Variants in WWOX observed in about 807,000 individuals in gnomAD.
The protein encoded by WWOX is WW domain-containing oxidoreductase.
A neutral mutation model predicts 46.2 loss-of-function variants in WWOX; 69 were observed. The observed-to-expected ratio is 1.49, with a 90% CI of 1.23 to 1.82. The LOEUF (loss-of-function observed/expected upper bound fraction) is 1.82, where lower values mean the gene tolerates loss of function less well. Ranked by LOEUF, WWOX falls within the 40% of genes most tolerant of loss-of-function variation. The pLI is 0.00. For missense variants in WWOX, 919 were observed against 542.6 expected (o/e 1.69, Z -6.89); for synonymous variants, 359 against 202.6 (o/e 1.77, Z -6.56).
At chr16:79,134,475 G>A (rs1249347015) in intron 8 of WWOX, among the ~76,000 whole-genome samples, 1 of 152,318 alleles carries the variant, frequency 6.6e-6, no homozygotes, top group South Asian at 2.1e-4. Context: ...GCAGAATGAG[G>A]TCGAGGTCAT....
intron 4 of WWOX, among the ~76,000 whole-genome samples, chr16:78,155,006 C>G (rs999014018): frequency 6.6e-6 from 1 of 152,174 alleles, no homozygotes; most frequent in African/African-American, 2.4e-5. Context: ...AGCCCAAACC[C>G]CACCTCTAGC....
At chr16:78,808,466 A>G (rs769406236) in intron 8 of WWOX, among the ~76,000 whole-genome samples, 1 of 152,224 alleles carries the variant, frequency 6.6e-6, no homozygotes, top group Non-Finnish European at 1.5e-5. Context: ...TTGAATCCAT[A>G]CTAACCTGAT....
chr16:78,919,677 C>A (rs1402323081), intron 8 of WWOX, among the ~76,000 whole-genome samples: 2 of 152,184 alleles, frequency 1.3e-5, no homozygotes, highest in Non-Finnish European at 2.9e-5. Flanking sequence ...ACCACCACAC[C>A]TGGCTAATTT....
chr16:78,725,148 T>A (rs766429430), intron 8 of WWOX, among the ~76,000 whole-genome samples: 19 of 152,044 alleles, frequency 1.2e-4, no homozygotes, highest in Non-Finnish European at 2.1e-4. Flanking sequence ...GATGGTTTTA[T>A]AAGGGGGAAA....
At chr16:78,713,319 A>G (rs916107028) in intron 8 of WWOX, among the ~76,000 whole-genome samples, 6 of 150,750 alleles carry the variant, frequency 4.0e-5, no homozygotes, top group Admixed American at 1.3e-4. Context: ...GCACACCCCA[A>G]AACTTCTAGA....
intron 8 of WWOX, among the ~76,000 whole-genome samples, chr16:78,989,821 C>CGT (rs71384389): frequency 0.17 from 23,548 of 135,952 alleles, 2,015 homozygotes; most frequent in East Asian, 0.37. Flanking sequence ...GGTGTGTGAG[C>CGT]GTGTGTGTGT....
intron 8 of WWOX, among the ~76,000 whole-genome samples, chr16:78,818,395 C>G (rs892613260): frequency 1.3e-5 from 2 of 152,222 alleles, no homozygotes; most frequent in Non-Finnish European, 2.9e-5. Context: ...CCTTCATTGA[C>G]TCAGGCCTTG....
chr16:78,293,987 A>AC (rs1567482417), intron 5 of WWOX, among the ~76,000 whole-genome samples: 8 of 148,314 alleles, frequency 5.4e-5, no homozygotes, highest in Non-Finnish European at 7.5e-5. Flanking sequence ...AGAAAAAAAA[A>AC]AAAAAAAAAA....
chr16:79,094,879 G>T (rs900729417), intron 8 of WWOX, among the ~76,000 whole-genome samples: 1 of 152,124 alleles, frequency 6.6e-6, no homozygotes. Flanking sequence ...ACCCCAGAGT[G>T]TCATCAGCCC....
intron 4 of WWOX, among the ~76,000 whole-genome samples, chr16:78,139,741 C>T (rs564131279): frequency 1.3e-5 from 2 of 152,060 alleles, no homozygotes; most frequent in East Asian, 1.9e-4. Flanking sequence ...AAAAACAGAA[C>T]CAGAGAAAAA....
chr16:78,921,327 A>G (rs1429364215), intron 8 of WWOX, among the ~76,000 whole-genome samples: 1 of 152,204 alleles, frequency 6.6e-6, no homozygotes, highest in Non-Finnish European at 1.5e-5. Flanking sequence ...CCATTTGCTA[A>G]TGAAAGTTCT....
At position 78,517,647 on chromosome 16, in the gene WWOX, C is replaced by A. The variant is rs567903957; in HGVS notation, c.1056+84895C>A. Among the ~76,000 whole-genome samples, 14 of 152,100 alleles carry A rather than the reference C, an allele frequency of 9.2e-5. No individual in the cohort carries two copies. In the South Asian group the frequency reaches 2.9e-3, roughly 32 times the overall value. ...CATCTGTCAAAAGTCCTCAGCGCTC[C>A]CCGCAATCCATGTCTGGTGGAAGCG... On this transcript the variant is annotated intron_variant, in intron 8 of 8. Coordinates refer to ENST00000566780, the MANE Select transcript of WWOX (RefSeq NM_016373.4).
chr16:79,094,324 G>T (rs2049025750), intron 8 of WWOX, among the ~76,000 whole-genome samples: 1 of 151,338 alleles, frequency 6.6e-6, no homozygotes, highest in Admixed American at 6.6e-5. Flanking sequence ...CACGATCTCG[G>T]CTCGCTGCAA....
At chr16:79,132,407 C>G (rs2049898632) in intron 8 of WWOX, among the ~76,000 whole-genome samples, 1 of 152,144 alleles carries the variant, frequency 6.6e-6, no homozygotes, top group Non-Finnish European at 1.5e-5. Flanking sequence ...TCATGAGAGA[C>G]AACCTAAATA....
rs547031502 is a variant in WWOX at position 78,693,775 on chromosome 16, G to C, written c.1056+261023G>C. Among the ~76,000 whole-genome samples, 3 of 152,262 alleles carry C rather than the reference G, an allele frequency of 2.0e-5. No homozygotes were observed. In the South Asian group the frequency reaches 6.2e-4, roughly 32 times the overall value. ...AGCTCTAAACATGCGCAGCCCCAAG[G>C]CTGAGAATTGTTGATCTAGGGGAAG... On this transcript the variant is annotated intron_variant, in intron 8 of 8. Coordinates refer to ENST00000566780, the MANE Select transcript of WWOX (RefSeq NM_016373.4).
chr16:78,206,625 C>T (rs2036404452), intron 5 of WWOX, among the ~76,000 whole-genome samples: 1 of 152,078 alleles, frequency 6.6e-6, no homozygotes, highest in African/African-American at 2.4e-5. Context: ...TGGTTTAAGA[C>T]TGAAGGGGTT....
chr16:78,453,904 A>G (rs2083750971), intron 8 of WWOX, among the ~76,000 whole-genome samples: 2 of 152,052 alleles, frequency 1.3e-5, no homozygotes, highest in Non-Finnish European at 2.9e-5. Flanking sequence ...AGCTTTTTGT[A>G]TCATGAGTTT....
chr16:78,680,729 TCC>T (rs2142231936), intron 8 of WWOX, among the ~76,000 whole-genome samples: 1 of 152,278 alleles, frequency 6.6e-6, no homozygotes, highest in East Asian at 1.9e-4. Flanking sequence ...AAAGAACGTT[TCC>T]GTGACAGTAG....
intron 8 of WWOX, among the ~76,000 whole-genome samples, chr16:78,454,746 C>A (rs1227210680): frequency 6.6e-6 from 1 of 152,336 alleles, no homozygotes; most frequent in Admixed American, 6.5e-5. Flanking sequence ...ATCCATCCTC[C>A]TCAGCCTCCC....
Sources: allele counts gnomAD v4.1 joint callset (sites outside exome capture counted in the v4.1 genomes callset), GRCh38; gene constraint gnomAD v4.1.1; transcripts MANE v1.5; gene names NCBI Gene and HGNC (gene_info 2026-07-23, HGNC 2026-07-21).